SORCS3: variants seen among roughly 807,000 people sequenced by gnomAD.
The protein encoded by SORCS3 is VPS10 domain-containing receptor SorCS3.
SORCS3 carries 57 observed loss-of-function variants against 146.3 expected under a neutral mutation model. The observed-to-expected ratio is 0.39, with a 90% CI of 0.31 to 0.49. The LOEUF (loss-of-function observed/expected upper bound fraction) is 0.49, where lower values mean the gene tolerates loss of function less well. SORCS3 is among the 20% of genes least tolerant of loss of function. SORCS3 has a pLI of 0.92. For synonymous variants in SORCS3, 653 were observed against 618.5 expected (o/e 1.06, Z -0.83); for missense variants, 1,341 against 1,575.5 (o/e 0.85, Z 2.52).
At chr10:105,127,476 C>T (rs2055984508) in intron 7 of SORCS3, among the ~76,000 whole-genome samples, 1 of 152,054 alleles carries the variant, frequency 6.6e-6, no homozygotes, top group Admixed American at 6.6e-5. Context: ...AGCAGCCTTC[C>T]TAGGCCTCAG....
intron 7 of SORCS3, among the ~76,000 whole-genome samples, chr10:105,137,940 A>G (rs1179705810): frequency 6.6e-6 from 1 of 152,220 alleles, no homozygotes; most frequent in Non-Finnish European, 1.5e-5. Context: ...TAAGGATGAT[A>G]TTTTATGCAC....
intron 13 of SORCS3, among the ~76,000 whole-genome samples, chr10:105,169,589 A>G (rs1342516682): frequency 6.6e-6 from 1 of 152,144 alleles, no homozygotes; most frequent in Non-Finnish European, 1.5e-5. Flanking sequence ...GGGAGTGTTC[A>G]GGGTACTATT....
intron 1 of SORCS3, among the ~76,000 whole-genome samples, chr10:104,704,313 G>A (rs2016312959): frequency 6.6e-6 from 1 of 152,022 alleles, no homozygotes; most frequent in African/African-American, 2.4e-5. Context: ...GACTACAGGT[G>A]TGCACCACCA....
chr10:105,188,734 C>A (rs550475194), intron 14 of SORCS3, among the ~76,000 whole-genome samples: 23 of 152,136 alleles, frequency 1.5e-4, no homozygotes, highest in Admixed American at 5.2e-4. Flanking sequence ...AGCAGGGTTG[C>A]CTGTGACCTT....
At position 104,696,426 on chromosome 10, in the gene SORCS3, T is replaced by TAATATAG. The variant is rs1245425789; in HGVS notation, c.627+54479_627+54485dup. 2.4e-3 allele frequency among the ~76,000 whole-genome samples: 194 copies of TAATATAG among 80,978 alleles called. 49 individuals carry two copies. The highest frequency in any genetic ancestry group is 9.8e-3 in the African/African-American group (191 of 19,530). 53.1% of individuals were successfully genotyped at this position (80,978 alleles called of 152,430 possible). On this transcript the variant is annotated intron_variant, in intron 1 of 26. Transcript: ENST00000369701. ...TATAATATAGAATATATATAATATATAATATAGAATATATAATATATAGAA... is the reference window on the plus strand; with the variant it reads ...TATAATATAGAATATATATAATATATAATATAGAATATAGAATATATAATATATAGAA...
At chr10:104,791,895 C>T (rs1465889776) in intron 1 of SORCS3, among the ~76,000 whole-genome samples, 1 of 152,108 alleles carries the variant, frequency 6.6e-6, no homozygotes, top group Non-Finnish European at 1.5e-5. Context: ...CTTCTGTTGA[C>T]CCCTAAGGAT....
intron 4 of SORCS3, among the ~76,000 whole-genome samples, chr10:104,979,663 G>T (rs1386296383): frequency 6.6e-6 from 1 of 152,072 alleles, no homozygotes; most frequent in Non-Finnish European, 1.5e-5. Context: ...AAGCCTCATG[G>T]TGGGTGCCAG....
chr10:104,953,359 G>A (rs906567956), intron 3 of SORCS3, among the ~76,000 whole-genome samples: 8 of 152,190 alleles, frequency 5.3e-5, no homozygotes, highest in Admixed American at 1.3e-4. Flanking sequence ...GGAACTGGAA[G>A]CAAGAAAAAT....
At chr10:105,078,196 A>G (rs1015431711) in intron 5 of SORCS3, among the ~76,000 whole-genome samples, 1 of 152,212 alleles carries the variant, frequency 6.6e-6, no homozygotes, top group Non-Finnish European at 1.5e-5. Context: ...TCACCATATT[A>G]TGGGACTCTT....
chr10:105,099,353 T>A (rs1273933475), intron 6 of SORCS3, among the ~76,000 whole-genome samples: 1 of 152,052 alleles, frequency 6.6e-6, no homozygotes, highest in Non-Finnish European at 1.5e-5. Flanking sequence ...TAGTATATTA[T>A]TACCCAAAGG....
chr10:104,773,688 C>T (rs2017277164), intron 1 of SORCS3, among the ~76,000 whole-genome samples: 1 of 152,210 alleles, frequency 6.6e-6, no homozygotes, highest in Non-Finnish European at 1.5e-5. Context: ...TCAGTTTCCT[C>T]ATCTACCAAA....
chr10:104,732,282 A>G (rs536168436), intron 1 of SORCS3, among the ~76,000 whole-genome samples: 1 of 152,270 alleles, frequency 6.6e-6, no homozygotes, highest in Non-Finnish European at 1.5e-5. Flanking sequence ...GGATTGTGCT[A>G]GCTTGGAGGC....
chr10:105,223,312 T>C (rs940127006), intron 20 of SORCS3, 63 bp downstream of exon 20: 4 of 1,493,466 alleles, frequency 2.7e-6, no homozygotes, highest in Non-Finnish European at 3.6e-6. Flanking sequence ...GTTCCAGCTT[T>C]TATGTGTCTA....
At chr10:105,212,282 C>T (rs1414897598) in intron 17 of SORCS3, among the ~76,000 whole-genome samples, 1 of 152,158 alleles carries the variant, frequency 6.6e-6, no homozygotes, top group Non-Finnish European at 1.5e-5. Flanking sequence ...AGCTAAGGCT[C>T]AAGGATCTTT....
chr10:104,738,642 G>A (rs778365408), intron 1 of SORCS3, among the ~76,000 whole-genome samples: 9 of 152,150 alleles, frequency 5.9e-5, no homozygotes, highest in African/African-American at 9.7e-5. Flanking sequence ...AAGAATGGAC[G>A]CACGGGCTTT....
At chr10:105,163,772 A>G (rs2056286914) in intron 11 of SORCS3, among the ~76,000 whole-genome samples, 1 of 151,996 alleles carries the variant, frequency 6.6e-6, no homozygotes, top group Non-Finnish European at 1.5e-5. Context: ...TCTTCTGGGC[A>G]CCGTATAATT....
intron 1 of SORCS3, among the ~76,000 whole-genome samples, chr10:104,658,159 T>C (rs557855428): frequency 4.7e-4 from 71 of 152,346 alleles, no homozygotes; most frequent in Admixed American, 2.4e-3. Flanking sequence ...GTGTTAATTA[T>C]ATTGTATGAA....
At chr10:104,855,837 G>A (rs775984536) in intron 2 of SORCS3, among the ~76,000 whole-genome samples, 2 of 152,138 alleles carry the variant, frequency 1.3e-5, no homozygotes, top group Non-Finnish European at 2.9e-5. Flanking sequence ...CTAGGCTCAA[G>A]TGGTCCTCCT....
chr10:104,866,133 G>A (rs143865778), intron 2 of SORCS3, among the ~76,000 whole-genome samples: 1 of 152,342 alleles, frequency 6.6e-6, no homozygotes, highest in African/African-American at 2.4e-5. Flanking sequence ...AGGAAGCGAA[G>A]TGACGTTTGA....
Sources: gnomAD v4.1 joint callset for allele counts (sites outside exome capture counted in the v4.1 genomes callset) on GRCh38, gnomAD v4.1.1 for gene constraint, MANE v1.5 for transcripts, NCBI Gene and HGNC (gene_info 2026-07-23, HGNC 2026-07-21) for gene names.